Variants in BRF1 observed in about 807,000 individuals in gnomAD.
The protein encoded by BRF1 is BRF1 general transcription factor IIIB subunit.
A neutral mutation model predicts 81.7 loss-of-function variants in BRF1; 59 were observed. The observed-to-expected ratio is 0.72, with a 90% CI of 0.59 to 0.90. BRF1 has a LOEUF of 0.90. Among genes scored for constraint, BRF1 ranks in the 40% least tolerant of loss-of-function variants. The pLI is 0.00. For synonymous variants in BRF1, 491 were observed against 395.6 expected, an observed-to-expected ratio of 1.24 and a Z score of -2.86; for missense variants, 1,050 against 936.3, an observed-to-expected ratio of 1.12 and a Z score of -1.58.
At chr14:105,228,574 G>C (rs952110840) in intron 7 of BRF1, among the ~76,000 whole-genome samples, 1 of 152,024 alleles carries the variant, frequency 6.6e-6, no homozygotes, top group South Asian at 2.1e-4. Context: ...GGGATCGGAG[G>C]AGGAGGATGC....
At chr14:105,253,226 C>T (rs760732230) in intron 4 of BRF1, among the ~76,000 whole-genome samples, 34 of 152,244 alleles carry the variant, frequency 2.2e-4, no homozygotes, top group Non-Finnish European at 4.4e-4. Flanking sequence ...ACCCTGTGCA[C>T]AGCCCTGCCG....
At chr14:105,226,329 C>T (rs898197678) in intron 8 of BRF1, 39 bp from the exon 9 acceptor site, 3 of 1,613,528 alleles carry the variant, frequency 1.9e-6, no homozygotes, top group African/African-American at 2.7e-5. Flanking sequence ...TGAAGGGAGG[C>T]CCTGGTGCAC....
intron 10 of BRF1, 71 bp from the exon 11 acceptor site, chr14:105,221,985 G>C (rs1286395396): frequency 2.0e-6 from 3 of 1,485,956 alleles, no homozygotes; most frequent in Admixed American, 2.7e-5. Flanking sequence ...AAAAAACAAT[G>C]CTACCAAGCT....
chr14:105,314,945 C>CCCCGGCGCG lies in BRF1; in HGVS notation c.-162+368_-162+376dup, dbSNP rs1299796427. 1.5e-5 allele frequency: 17 copies of CCCCGGCGCG among 1,168,456 alleles called. No homozygotes were observed. The highest frequency in any genetic ancestry group is 1.7e-5 in the Non-Finnish European group (16 of 929,448). 72.4% of individuals were successfully genotyped at this position (1,168,456 alleles called of 1,614,324 possible). A position where few individuals can be genotyped will look rare whatever the true frequency, so the allele number is the denominator to read the frequency against. ...TGGCCGAGCGAGGCCGCCTCGGCCT[C>CCCCGGCGCG]CCCGGCGCGCCCGGCGCGCTCAACA... On this transcript the variant is annotated intron_variant, in intron 1 of 17. Coordinates refer to the BRF1 transcript ENST00000327359.
At chr14:105,298,892 C>T (rs1193702296) in intron 1 of BRF1, among the ~76,000 whole-genome samples, 1 of 149,964 alleles carries the variant, frequency 6.7e-6, no homozygotes, top group Non-Finnish European at 1.5e-5. Context: ...GCTTTGAGGC[C>T]GTGCGCAGTG....
intron 3 of BRF1, among the ~76,000 whole-genome samples, chr14:105,267,095 A>G (rs1454166040): frequency 6.6e-6 from 1 of 152,200 alleles, no homozygotes. Flanking sequence ...CAGCAGACAC[A>G]GTTGTGTGCA....
At chr14:105,226,563 C>T (rs1383722612) in intron 8 of BRF1, 71 bp downstream of exon 8, 1 of 1,600,876 alleles carries the variant, frequency 6.2e-7, no homozygotes, top group East Asian at 2.2e-5. Flanking sequence ...TGCTACAACC[C>T]CAGTCGGGGT....
intron 5 of BRF1, 35 bp downstream of exon 5, chr14:105,252,472 T>C (rs755808149): frequency 6.2e-7 from 1 of 1,608,130 alleles, no homozygotes; most frequent in Non-Finnish European, 8.5e-7. Flanking sequence ...TACAGCAGCC[T>C]GCCGGACACC....
chr14:105,250,926 C>A, intron 5 of BRF1: 1 of 496,398 alleles, frequency 2.0e-6, no homozygotes, highest in East Asian at 3.4e-5. Flanking sequence ...CCCAGATCCC[C>A]TCCCAGTGGC....
intron 3 of BRF1, among the ~76,000 whole-genome samples, chr14:105,264,754 T>C (rs770958923): frequency 2.7e-5 from 4 of 150,122 alleles, no homozygotes; most frequent in Non-Finnish European, 5.9e-5. Flanking sequence ...GGTGAGAGGA[T>C]TGCTCGAGCC....
intron 1 of BRF1, among the ~76,000 whole-genome samples, chr14:105,311,652 C>T (rs191335755): frequency 1.3e-5 from 2 of 152,150 alleles, no homozygotes; most frequent in Non-Finnish European, 2.9e-5. Context: ...TCTACAACCC[C>T]GGGGTTGATT....
At chr14:105,302,531 T>C (rs930483114), upstream of BRF1, among the ~76,000 whole-genome samples, 3 of 151,354 alleles carry the variant, frequency 2.0e-5, no homozygotes, top group African/African-American at 7.3e-5. Context: ...CTCTCATTTT[T>C]GTTAGATCCT....
In BRF1 at chr14:105,269,238, G is replaced by A. The variant is rs962933562; in HGVS notation, c.439+3483C>T. Among the ~76,000 whole-genome samples the A allele has an allele frequency of 2.0e-5, 3 of 152,120 alleles. No homozygotes were observed. Among genetic ancestry groups the A allele is most frequent in the Non-Finnish European group, 4.4e-5 (3 of 68,004 alleles). ...CCCTCTAAAGTGCCGGCAAAGCAGG[G>A]GTGGGCTGGGAAGTGAGGGCTACAG... is the stretch of plus-strand genomic sequence containing the variant. On this transcript the variant is annotated intron_variant, in intron 3 of 17. Coordinates refer to ENST00000547530, the MANE Select transcript of BRF1 (RefSeq NM_001519.4). This position sits in a 1 kb window ranked among gnomAD's most constrained non-coding sequence, Gnocchi z 5.0.
rs1893168315 is a variant in BRF1, at chr14:105,226,773, C to A, written c.789-13G>T. The A allele has an allele frequency of 3.7e-6, 6 of 1,613,162 alleles. No individual in the cohort carries two copies. The highest frequency in any genetic ancestry group is 2.7e-5 in the African/African-American group (2 of 74,922). ...AAATTCCGTGAGCCTAAAATGGAGC[C>A]AGACATGGGAAATGGAGCTGGTGGC... On this transcript the variant is annotated splice_polypyrimidine_tract_variant and intron_variant, in intron 7 of 17. Transcript: ENST00000547530.
upstream of BRF1, among the ~76,000 whole-genome samples, chr14:105,301,706 C>T (rs1308463838): frequency 1.3e-5 from 2 of 152,232 alleles, no homozygotes; most frequent in African/African-American, 4.8e-5. Flanking sequence ...CATTCGTGGC[C>T]ACCTGTGGTT....
intron 6 of BRF1, among the ~76,000 whole-genome samples, 188 bp downstream of exon 6, chr14:105,241,077 C>A (rs1052666262): frequency 6.6e-6 from 1 of 152,216 alleles, no homozygotes; most frequent in East Asian, 1.9e-4. Context: ...CAGAGGCCAA[C>A]GGGGCAGCCA....
rs1360927871 is a variant in BRF1 at position 105,217,740 on chromosome 14, C to T, written c.1576G>A (p.Glu526Lys). 5 of 1,613,434 alleles carry T rather than the reference C, an allele frequency of 3.1e-6. No homozygotes were observed. Among genetic ancestry groups the T allele is most frequent in the Non-Finnish European group, 2.5e-6 (3 of 1,180,018 alleles). ...ATCTTCTTCTGCTCCAGCATCTTCT[C>T]GATGGCCTCCCTGGCGGTACTGGCC... ...IQASTAREAI[E>K]KMLEQKKISS... is the part of the protein sequence containing the mutation. The change falls in exon 15 of 18, where the codon GAG becomes AAG. Residue 526 changes from glutamate to lysine, a missense_variant. This residue lies in a region of BRF1 where 1,043 missense variants were observed against 915.4 expected (regional missense o/e 1.14). Transcript: ENST00000547530.
At chr14:105,314,895 C>A in intron 1 of BRF1, 1 of 970,672 alleles carries the variant, frequency 1.0e-6, no homozygotes, top group Non-Finnish European at 1.2e-6. Flanking sequence ...CCCAGGCCGC[C>A]GAGGGAGCGG....
chr14:105,226,064 C>G lies in BRF1; in HGVS notation c.1048+5G>C. The stretch of plus-strand genomic sequence containing the variant: ...CTGAATAGGGGCCGGGCACAGTGGA[C>G]TCACCATCTTTTGCCAGGCTGGCCA... On this transcript the variant is annotated splice_donor_5th_base_variant and intron_variant, in intron 10 of 17. Coordinates refer to ENST00000547530, the MANE Select transcript of BRF1 (RefSeq NM_001519.4). 6.2e-7 allele frequency: 1 copy of G among 1,613,132 alleles called. No individual in the cohort carries two copies. The highest frequency in any genetic ancestry group is 8.5e-7 in the Non-Finnish European group (1 of 1,179,518).
Sources: allele counts gnomAD v4.1 joint callset (sites outside exome capture counted in the v4.1 genomes callset), GRCh38; gene constraint gnomAD v4.1.1; regional missense constraint gnomAD v4.1.1; non-coding constraint Gnocchi (gnomAD v3.1); transcripts MANE v1.5; gene names NCBI Gene and HGNC (gene_info 2026-07-23, HGNC 2026-07-21).